Variants in ZFHX3 observed in about 807,000 individuals in gnomAD.
The protein encoded by ZFHX3 is zinc finger homeobox protein 3.
In ZFHX3, 42 loss-of-function variants were observed where a neutral mutation model predicts 279.1. That is an observed-to-expected ratio of 0.15 (90% CI 0.12 to 0.19). ZFHX3 has a LOEUF of 0.19. ZFHX3 is among the 10% of genes least tolerant of loss of function. The pLI is 1.00. For missense variants in ZFHX3, 4,981 were observed against 4,754.0 expected, an observed-to-expected ratio of 1.05 and a Z score of -1.40; for synonymous variants, 2,293 against 1,957.8, an observed-to-expected ratio of 1.17 and a Z score of -4.52.
At chr16:72,920,297 A>C (rs1156918353) in intron 3 of ZFHX3, among the ~76,000 whole-genome samples, 1 of 152,216 alleles carries the variant, frequency 6.6e-6, no homozygotes, top group African/African-American at 2.4e-5. Context: ...TGTGATAGCT[A>C]TCAGTGGAAA....
At position 73,696,905 on chromosome 16, in the gene ZFHX3, A is replaced by G. The variant is rs74742619; in HGVS notation, c.-1607-16665T>C. Among the ~76,000 whole-genome samples the G allele has an allele frequency of 2.0e-5, 3 of 152,328 alleles. No individual in the cohort carries two copies. In the East Asian group the frequency reaches 5.8e-4, roughly 29 times the overall value. On this transcript the variant is annotated intron_variant, in intron 1 of 17. Coordinates refer to the ZFHX3 transcript ENST00000641206. ...TTGATGAACTCCAAGCTTAAATTAT[A>G]TAACAATCAATAGTGAGCATTTTAT...
chr16:73,331,105 C>A (rs767050280), intron 3 of ZFHX3, among the ~76,000 whole-genome samples: 15 of 152,142 alleles, frequency 9.9e-5, no homozygotes, highest in Non-Finnish European at 1.5e-4. Context: ...AGAAAACTTA[C>A]AATCATGGTG....
At chr16:73,519,949 T>G (rs1258261551) in intron 2 of ZFHX3, among the ~76,000 whole-genome samples, 2 of 152,294 alleles carry the variant, frequency 1.3e-5, no homozygotes, top group East Asian at 1.9e-4. Flanking sequence ...TGAAGAAAAC[T>G]TATGCCTGTT....
chr16:73,716,512 G>C (rs955541630), intron 1 of ZFHX3, among the ~76,000 whole-genome samples: 1 of 152,018 alleles, frequency 6.6e-6, no homozygotes, highest in Non-Finnish European at 1.5e-5. Context: ...CTAGGACTCA[G>C]GACCTCCCAC....
At chr16:73,368,637 A>G (rs1470772521) in intron 3 of ZFHX3, among the ~76,000 whole-genome samples, 1 of 152,244 alleles carries the variant, frequency 6.6e-6, no homozygotes, top group Non-Finnish European at 1.5e-5. Flanking sequence ...TTGCACCTTG[A>G]CTATATTATC....
intron 1 of ZFHX3, among the ~76,000 whole-genome samples, chr16:72,993,798 A>G (rs1963180098): frequency 6.6e-6 from 1 of 152,014 alleles, no homozygotes; most frequent in Non-Finnish European, 1.5e-5. Context: ...CGTGGACCAG[A>G]CTTTCTGCCA....
At chr16:73,184,025 G>A (rs968474216) in intron 5 of ZFHX3, among the ~76,000 whole-genome samples, 8 of 152,170 alleles carry the variant, frequency 5.3e-5, no homozygotes, top group Non-Finnish European at 1.0e-4. Flanking sequence ...CGGACCATGT[G>A]TCTCTAAAGA....
chr16:72,812,002 G>T lies in ZFHX3; in HGVS notation c.3566C>A (p.Ser1189Tyr), dbSNP rs1264598448. 7 of 1,614,080 alleles carry T rather than the reference G, an allele frequency of 4.3e-6. No homozygotes were observed. The highest frequency in any genetic ancestry group is 5.9e-6 in the Non-Finnish European group (7 of 1,180,046). ...SSQAEKELTDSPATSKRISFP... is the reference protein window; with the variant it reads ...SSQAEKELTDYPATSKRISFP... ...GGAGATGCGTTTGGAGGTTGCAGGAGAATCTGTCAGCTCCTTCTCTGCTTG... is the reference window on the plus strand; with the variant it reads ...GGAGATGCGTTTGGAGGTTGCAGGATAATCTGTCAGCTCCTTCTCTGCTTG... Residue 1189 changes from serine (S) to tyrosine (Y), a missense_variant, in exon 6 of 10, where the codon TCT becomes TAT. By Grantham distance (144) the Ser-to-Tyr change is moderately radical. Coordinates refer to ENST00000268489, the MANE Select transcript of ZFHX3 (RefSeq NM_006885.4).
chr16:72,787,985 C>T lies in ZFHX3; in HGVS notation c.10291G>A (p.Val3431Met). 6.2e-7 allele frequency: 1 copy of T among 1,613,480 alleles called. No individual in the cohort carries two copies. Among genetic ancestry groups the T allele is most frequent in the Non-Finnish European group, 8.5e-7 (1 of 1,179,934 alleles). Residue 3431 changes from valine to methionine, a missense_variant, in exon 10 of 10, where the codon GTG (valine) becomes ATG (methionine). Physicochemically the swap from Val to Met is conservative, Grantham distance 21 (BLOSUM62 1). This residue lies in a region of ZFHX3 where 1,034 missense variants were observed against 786.0 expected (regional missense o/e 1.32). Coordinates refer to ENST00000268489, the MANE Select transcript of ZFHX3 (RefSeq NM_006885.4). ...PEEQKNTPRE[V>M]SPLLPKLPEE... Reference sequence around the variant, plus strand: ...GGGAGTTTCGGCAGGAGGGGGGACACCTCACGGGGGGTGTTTTTCTGTTCT... The same window carrying T: ...GGGAGTTTCGGCAGGAGGGGGGACATCTCACGGGGGGTGTTTTTCTGTTCT...
intron 5 of ZFHX3, among the ~76,000 whole-genome samples, chr16:73,240,781 G>A (rs1334991956): frequency 2.0e-5 from 3 of 152,210 alleles, no homozygotes; most frequent in South Asian, 2.1e-4. Context: ...TTGCAAATAC[G>A]GAATCTGTGA....
At chr16:73,031,080 T>G (rs1404787177) in intron 1 of ZFHX3, among the ~76,000 whole-genome samples, 1 of 152,208 alleles carries the variant, frequency 6.6e-6, no homozygotes, top group South Asian at 2.1e-4. Flanking sequence ...TTTAGGTAAA[T>G]AGGATATTTA....
chr16:73,755,254 C>T lies in ZFHX3; in HGVS notation c.-1607-75014G>A, dbSNP rs937697719. ...TTTCCCCTTTTGCCAACCCAGTTTC[C>T]GTTTCTAAGACTCTCACCTGTTTAC... On this transcript the variant is annotated intron_variant, in intron 1 of 17. Transcript: ENST00000641206. Among the ~76,000 whole-genome samples, 7 of 152,052 alleles carry T rather than the reference C, an allele frequency of 4.6e-5. No individual in the cohort carries two copies. The East Asian group carries it at 9.6e-4, about 21-fold the overall frequency.
intron 5 of ZFHX3, among the ~76,000 whole-genome samples, chr16:73,196,994 A>G (rs1968162186): frequency 2.0e-5 from 3 of 152,150 alleles, no homozygotes. Context: ...TTGGAACACC[A>G]CCAGCAACCC....
intron 5 of ZFHX3, among the ~76,000 whole-genome samples, chr16:73,225,313 C>A (rs981653296): frequency 2.6e-5 from 4 of 152,058 alleles, no homozygotes; most frequent in African/African-American, 9.7e-5. Context: ...ATAAATCAAG[C>A]CAGGTTTTAA....
intron 5 of ZFHX3, among the ~76,000 whole-genome samples, chr16:73,164,517 T>C (rs1277491698): frequency 1.3e-5 from 2 of 151,948 alleles, no homozygotes; most frequent in African/African-American, 4.8e-5. Context: ...CTGACCAACA[T>C]GGGGATATCC....
chr16:73,159,909 C>T (rs772912529), intron 5 of ZFHX3, among the ~76,000 whole-genome samples: 4 of 151,992 alleles, frequency 2.6e-5, no homozygotes, highest in African/African-American at 4.8e-5. Flanking sequence ...ACTGCAGGTG[C>T]GTGCCACCAT....
chr16:73,187,358 A>G (rs1264464786), intron 5 of ZFHX3, among the ~76,000 whole-genome samples: 1 of 150,390 alleles, frequency 6.6e-6, no homozygotes, highest in African/African-American at 2.4e-5. Flanking sequence ...TTTTTTTTAA[A>G]TTGGGCTGAT....
At chr16:73,520,980 A>T (rs779138667) in intron 2 of ZFHX3, among the ~76,000 whole-genome samples, 2 of 152,236 alleles carry the variant, frequency 1.3e-5, no homozygotes, top group Non-Finnish European at 2.9e-5. Flanking sequence ...ATCACAAAAC[A>T]CGGTGTACAA....
At chr16:73,518,077 CA>C (rs1230935037) in intron 2 of ZFHX3, among the ~76,000 whole-genome samples, 1 of 152,080 alleles carries the variant, frequency 6.6e-6, no homozygotes, top group Non-Finnish European at 1.5e-5. Flanking sequence ...TTGAAATCTG[CA>C]ATATATTTTA....
Sources: allele counts gnomAD v4.1 joint callset (sites outside exome capture counted in the v4.1 genomes callset), GRCh38; gene constraint gnomAD v4.1.1; regional missense constraint gnomAD v4.1.1; transcripts MANE v1.5; gene names NCBI Gene and HGNC (gene_info 2026-07-23, HGNC 2026-07-21).